Variants in PNPLA1 observed in about 807,000 individuals in gnomAD.
The protein encoded by PNPLA1 is omega-hydroxyceramide transacylase.
Under a neutral mutation model 51.7 loss-of-function variants are expected in PNPLA1, and 36 were observed. That is an observed-to-expected ratio of 0.70 (90% CI 0.53 to 0.92). The LOEUF is 0.92. PNPLA1 is among the 40% of genes least tolerant of loss of function. PNPLA1 has a pLI of 0.00. For missense variants in PNPLA1, 658 were observed against 682.5 expected (o/e 0.96, Z 0.40); for synonymous variants, 293 against 280.1 (o/e 1.05, Z -0.46).
chr6:36,279,500 C>A (rs1770212044), intron 1 of PNPLA1, among the ~76,000 whole-genome samples: 1 of 152,196 alleles, frequency 6.6e-6, no homozygotes, highest in South Asian at 2.1e-4. Context: ...AACTCCTTTC[C>A]TTTGTCACTC....
chr6:36,310,296 G>A (rs888728951), intron 8 of PNPLA1, among the ~76,000 whole-genome samples: 11 of 152,166 alleles, frequency 7.2e-5, no homozygotes, highest in Non-Finnish European at 7.3e-5. Context: ...GTGGGTGTAC[G>A]CATCAGCCTA....
At chr6:36,254,748 C>T (rs979489459) in intron 1 of PNPLA1, among the ~76,000 whole-genome samples, 6 of 152,066 alleles carry the variant, frequency 3.9e-5, no homozygotes, top group African/African-American at 1.2e-4. Context: ...GATTCAGGCC[C>T]CTCTCAGGGG....
At chr6:36,266,656 C>T (rs1484278095), upstream of PNPLA1, among the ~76,000 whole-genome samples, 2 of 152,280 alleles carry the variant, frequency 1.3e-5, no homozygotes, top group Middle Eastern at 3.4e-3. Flanking sequence ...GGGAGGTGGG[C>T]AAGGAGTAAG....
intron 6 of PNPLA1, among the ~76,000 whole-genome samples, chr6:36,305,768 C>CTTTTT (rs72063246): frequency 5.2e-5 from 5 of 96,574 alleles, no homozygotes; most frequent in African/African-American, 8.1e-5. Context: ...TTACTTTTCT[C>CTTTTT]TTTTTTTTTT....
chr6:36,300,178 T>TGTGTGTGTGTGTGTGTGA, intron 5 of PNPLA1, among the ~76,000 whole-genome samples: 54 of 98,136 alleles, frequency 5.5e-4, no homozygotes, highest in African/African-American at 1.5e-3. Context: ...TGTGTGTGTG[T>TGTGTGTGTGTGTGTGTGA]GAGAGAGAGA....
chr6:36,306,023 G>A (rs374048064), intron 6 of PNPLA1, among the ~76,000 whole-genome samples: 1 of 152,064 alleles, frequency 6.6e-6, no homozygotes, highest in Admixed American at 6.5e-5. Context: ...CCAAAGCGCC[G>A]GGATTACAGG....
intron 6 of PNPLA1, among the ~76,000 whole-genome samples, chr6:36,304,390 C>T (rs1158134813): frequency 6.6e-6 from 1 of 152,100 alleles, no homozygotes; most frequent in African/African-American, 2.4e-5. Context: ...CTTTGAGAGG[C>T]AGAGGCAGGC....
intron 1 of PNPLA1, among the ~76,000 whole-genome samples, chr6:36,271,996 G>T (rs1024774805): frequency 6.6e-6 from 1 of 152,174 alleles, no homozygotes; most frequent in Non-Finnish European, 1.5e-5. Context: ...TTACAGCAGC[G>T]GTCTCCAGTT....
chr6:36,287,147 T>C (rs1167261421), intron 1 of PNPLA1, among the ~76,000 whole-genome samples: 1 of 152,236 alleles, frequency 6.6e-6, no homozygotes, highest in African/African-American at 2.4e-5. Flanking sequence ...CAAGTAGCTC[T>C]TCCTTGGGGG....
chr6:36,254,315 C>T (rs565272272), intron 1 of PNPLA1, among the ~76,000 whole-genome samples: 7 of 152,158 alleles, frequency 4.6e-5, no homozygotes, highest in Non-Finnish European at 7.3e-5. Flanking sequence ...TGGCTCACAA[C>T]TGTAATCCCA....
At chr6:36,303,099 G>T (rs1282468250) in intron 6 of PNPLA1, among the ~76,000 whole-genome samples, 1 of 149,786 alleles carries the variant, frequency 6.7e-6, no homozygotes, top group East Asian at 1.9e-4. Context: ...AGACTACAAA[G>T]AAATTTTTTT....
chr6:36,302,556 CT>C, intron 6 of PNPLA1, 87 bp downstream of exon 6: 1 of 1,483,618 alleles, frequency 6.7e-7, no homozygotes. Context: ...ATAACCGCTT[CT>C]TTAGGGGTGC....
chr6:36,252,691 G>C (rs1259441017), intron 1 of PNPLA1, among the ~76,000 whole-genome samples: 1 of 152,156 alleles, frequency 6.6e-6, no homozygotes, highest in Non-Finnish European at 1.5e-5. Flanking sequence ...GGACTCAGGG[G>C]AAGCCTCGTG....
In PNPLA1 at chr6:36,313,167, A is replaced by G. The variant is rs1275914352; in HGVS notation, c.*1281A>G. 6.6e-6 allele frequency among the ~76,000 whole-genome samples: 1 copy of G among 152,154 alleles called. No homozygotes were observed. Among genetic ancestry groups the G allele is most frequent in the Non-Finnish European group, 1.5e-5 (1 of 68,030 alleles). On this transcript the variant is annotated 3_prime_UTR_variant, in exon 9 of 9. Coordinates refer to ENST00000636260, the MANE Select transcript of PNPLA1 (RefSeq NM_001374623.1). Reference sequence around the variant, plus strand: ...TGGAGTCCTGGGTGGCTGTAGAGGAAGAAGGAGGCCAAATGTCCCTCCCCT... The same window carrying G: ...TGGAGTCCTGGGTGGCTGTAGAGGAGGAAGGAGGCCAAATGTCCCTCCCCT...
intron 3 of PNPLA1, among the ~76,000 whole-genome samples, chr6:36,293,880 A>G (rs1235979191): frequency 6.6e-6 from 1 of 152,104 alleles, no homozygotes; most frequent in Non-Finnish European, 1.5e-5. Flanking sequence ...CTTTACCCAG[A>G]GTATGGGTCC....
intron 1 of PNPLA1, among the ~76,000 whole-genome samples, chr6:36,247,307 C>T (rs887688294): frequency 2.0e-5 from 3 of 152,218 alleles, no homozygotes; most frequent in African/African-American, 7.2e-5. Flanking sequence ...CTAGTCCCTA[C>T]CTTTTCTATA....
chr6:36,297,313 G>C (rs1422395917), intron 5 of PNPLA1, among the ~76,000 whole-genome samples: 1 of 152,144 alleles, frequency 6.6e-6, no homozygotes, highest in Non-Finnish European at 1.5e-5. Flanking sequence ...CAGTCCTCTT[G>C]GATTTGGTGG....
chr6:36,255,415 G>A (rs1582029262), intron 1 of PNPLA1, among the ~76,000 whole-genome samples: 1 of 152,258 alleles, frequency 6.6e-6, no homozygotes, highest in South Asian at 2.1e-4. Context: ...CGAGGCAGGA[G>A]AATTGCTTGA....
chr6:36,282,124 G>GGAAGGAAGGAAA (rs1770322287), intron 1 of PNPLA1, among the ~76,000 whole-genome samples: 3 of 114,842 alleles, frequency 2.6e-5, no homozygotes, highest in African/African-American at 9.2e-5. Flanking sequence ...AAGGAAGGAA[G>GGAAGGAAGGAAA]GAAGGAAGGA....
Sources: allele counts gnomAD v4.1 joint callset (sites outside exome capture counted in the v4.1 genomes callset), GRCh38; gene constraint gnomAD v4.1.1; transcripts MANE v1.5; gene names NCBI Gene and HGNC (gene_info 2026-07-23, HGNC 2026-07-21).